The following SNX3 variants were observed in gnomAD, a reference collection of about 807,000 sequenced individuals.
SNX3 encodes the protein sorting nexin 3, also known as sorting nexin-3.
SNX3 carries 5 observed loss-of-function variants against 17.7 expected under a neutral mutation model. The ratio of observed to expected loss-of-function variants is 0.28; its 90% CI spans 0.15 to 0.59. SNX3 has a LOEUF of 0.59. Among genes scored for constraint, SNX3 ranks in the 20% least tolerant of loss-of-function variants. The probability of loss-of-function intolerance (pLI) is 0.88; values close to 1 mark genes in which losing one functional copy is unlikely to be tolerated. For missense variants in SNX3, 132 were observed against 206.8 expected (o/e 0.64, Z 2.22); for synonymous variants, 91 against 76.5 (o/e 1.19, Z -0.99).
rs775506319 is a variant in SNX3 at position 108,212,124 on chromosome 6, C to T, written c.*25G>A. The T allele has an allele frequency of 4.0e-5, 51 of 1,271,070 alleles. No individual in the cohort carries two copies. The highest frequency in any genetic ancestry group is 4.7e-5 in the East Asian group (2 of 42,894). The allele number at this position is 1,271,070 out of a possible 1,614,324, so 78.7% of individuals were successfully genotyped here. On this transcript the variant is annotated 3_prime_UTR_variant, in exon 4 of 4. Transcript: ENST00000230085. Reference sequence around the variant, plus strand: ...GGTGCTTATCAATCATTAATAGTCACGTTTTTGCCCCTTCTTGCCAAATTT... The same window carrying T: ...GGTGCTTATCAATCATTAATAGTCATGTTTTTGCCCCTTCTTGCCAAATTT...
intron 1 of SNX3, among the ~76,000 whole-genome samples, chr6:108,258,247 C>T (rs1451851281): frequency 2.0e-5 from 3 of 152,036 alleles, no homozygotes; most frequent in Non-Finnish European, 4.4e-5. Flanking sequence ...ATCACGAGGT[C>T]AGGAGTTCAA....
intron 2 of SNX3, among the ~76,000 whole-genome samples, chr6:108,217,229 T>G (rs1774616294): frequency 6.6e-6 from 1 of 150,818 alleles, no homozygotes; most frequent in Non-Finnish European, 1.5e-5. Context: ...TATATATAAT[T>G]AAATATATAT....
At chr6:108,250,580 G>T (rs1775822625) in intron 1 of SNX3, among the ~76,000 whole-genome samples, 2 of 152,164 alleles carry the variant, frequency 1.3e-5, no homozygotes, top group African/African-American at 4.8e-5. Flanking sequence ...TAGCTGACAA[G>T]ATTTTTCTCT....
At chr6:108,228,110 T>C (rs1355001696) in intron 1 of SNX3, among the ~76,000 whole-genome samples, 1 of 152,048 alleles carries the variant, frequency 6.6e-6, no homozygotes, top group African/African-American at 2.4e-5. Flanking sequence ...TGAATTTCCA[T>C]GGTTAAAAAT....
rs563123307 is a variant in SNX3, at chr6:108,260,999, C to G, written c.-78G>C. The G allele has an allele frequency of 7.5e-7, 1 of 1,339,390 alleles. No individual in the cohort carries two copies. Among genetic ancestry groups the G allele is most frequent in the South Asian group, 1.6e-5 (1 of 61,772 alleles). The allele number at this position is 1,339,390 out of a possible 1,614,324, so 83.0% of individuals were successfully genotyped here. Reference sequence around the variant, plus strand: ...AGCCGCCGCCGCCGCCGCTGCTGCCCGCCGTGGGGACACGGGGCTCGCGCG... The same window carrying G: ...AGCCGCCGCCGCCGCCGCTGCTGCCGGCCGTGGGGACACGGGGCTCGCGCG... On this transcript the variant is annotated 5_prime_UTR_variant, in exon 1 of 4. Coordinates refer to ENST00000230085, the MANE Select transcript of SNX3 (RefSeq NM_003795.6).
Position 108,211,962 on chromosome 6 carries a change from G to T in SNX3, c.*187C>A, listed in dbSNP as rs1774419102. 3 of 505,118 alleles carry T rather than the reference G, an allele frequency of 5.9e-6. No homozygotes were observed. In the South Asian group the frequency reaches 7.2e-5, roughly 12 times the overall value. 31.3% of individuals were successfully genotyped at this position (505,118 alleles called of 1,614,324 possible). On this transcript the variant is annotated 3_prime_UTR_variant, in exon 4 of 4. Transcript: ENST00000230085. ...GCTATTTATATAGAAAGGCTGGAAT[G>T]AGGGATTTTTACTAAAGCAAATTAA...
At chr6:108,242,614 C>T (rs1373671166) in intron 1 of SNX3, among the ~76,000 whole-genome samples, 1 of 152,218 alleles carries the variant, frequency 6.6e-6, no homozygotes, top group Admixed American at 6.5e-5. Flanking sequence ...CCTTGGCATA[C>T]ACACCTCCCC....
At chr6:108,226,426 G>T (rs1774976377) in intron 1 of SNX3, among the ~76,000 whole-genome samples, 1 of 152,130 alleles carries the variant, frequency 6.6e-6, no homozygotes, top group Non-Finnish European at 1.5e-5. Flanking sequence ...AGACAGAAAT[G>T]ACTTAACATA....
At chr6:108,222,137 G>GA (rs201387784) in intron 2 of SNX3, 2,297 of 1,090,480 alleles carry the variant, frequency 2.1e-3, no homozygotes, top group African/African-American at 3.4e-3. Flanking sequence ...GCTAGAAACA[G>GA]AAAAAAAAAG....
intron 2 of SNX3, among the ~76,000 whole-genome samples, chr6:108,220,824 A>G (rs557918377): frequency 4.0e-4 from 61 of 151,746 alleles, no homozygotes; most frequent in African/African-American, 1.4e-3. Context: ...CTAAAAATAT[A>G]AAAAAAATTA....
chr6:108,231,298 G>A (rs1775146866), intron 1 of SNX3, among the ~76,000 whole-genome samples: 1 of 152,144 alleles, frequency 6.6e-6, no homozygotes, highest in African/African-American at 2.4e-5. Flanking sequence ...TGTTGGCCAG[G>A]CTGGTCTTGA....
chr6:108,231,345 A>G (rs935061074), intron 1 of SNX3, among the ~76,000 whole-genome samples: 1 of 152,160 alleles, frequency 6.6e-6, no homozygotes, highest in African/African-American at 2.4e-5. Flanking sequence ...TCAACCTCCC[A>G]AAGTGCTGAG....
intron 2 of SNX3, among the ~76,000 whole-genome samples, chr6:108,217,528 G>A (rs1774625197): frequency 6.6e-6 from 1 of 152,120 alleles, no homozygotes; most frequent in Admixed American, 6.6e-5. Context: ...GCCAAGGTGG[G>A]TGGATCACCT....
At chr6:108,240,625 T>C (rs528009340) in intron 1 of SNX3, among the ~76,000 whole-genome samples, 6 of 152,296 alleles carry the variant, frequency 3.9e-5, no homozygotes, top group Admixed American at 2.0e-4. Flanking sequence ...ACACCATCAC[T>C]GCTGGAGGGG....
intron 1 of SNX3, among the ~76,000 whole-genome samples, chr6:108,238,425 T>G (rs1294590356): frequency 6.6e-6 from 1 of 152,004 alleles, no homozygotes; most frequent in Non-Finnish European, 1.5e-5. Flanking sequence ...TAACAAAAAT[T>G]TTCTAAGTAT....
intron 1 of SNX3, among the ~76,000 whole-genome samples, chr6:108,255,864 T>C (rs1179828082): frequency 4.6e-5 from 7 of 152,226 alleles, no homozygotes; most frequent in Non-Finnish European, 8.8e-5. Flanking sequence ...TACATTTATT[T>C]AGCACCTTGT....
intron 2 of SNX3, among the ~76,000 whole-genome samples, chr6:108,215,780 A>G (rs981584492): frequency 2.0e-5 from 3 of 152,068 alleles, no homozygotes; most frequent in African/African-American, 7.2e-5. Flanking sequence ...AAATAAAAAA[A>G]ACTTAGCTGG....
intron 1 of SNX3, among the ~76,000 whole-genome samples, chr6:108,224,129 G>A (rs180867074): frequency 2.0e-3 from 301 of 152,192 alleles, no homozygotes; most frequent in African/African-American, 6.9e-3. Flanking sequence ...GCCCGTTGAT[G>A]TAGAAGTTCT....
At chr6:108,230,923 CTAGT>C (rs1339068541) in intron 1 of SNX3, among the ~76,000 whole-genome samples, 1 of 152,120 alleles carries the variant, frequency 6.6e-6, no homozygotes, top group Admixed American at 6.5e-5. Flanking sequence ...TTGCCAAATG[CTAGT>C]TAATTTGTTA....
Sources: gnomAD v4.1 joint callset for allele counts (sites outside exome capture counted in the v4.1 genomes callset) on GRCh38, gnomAD v4.1.1 for gene constraint, MANE v1.5 for transcripts, NCBI Gene and HGNC (gene_info 2026-07-23, HGNC 2026-07-21) for gene names.